KCND3: variants seen among roughly 807,000 people sequenced by gnomAD.
The protein encoded by KCND3 is potassium voltage-gated channel subfamily D member 3.
In KCND3, 9 loss-of-function variants were observed where a neutral mutation model predicts 51.1. The observed-to-expected ratio is 0.18, with a 90% CI of 0.11 to 0.31. The LOEUF (loss-of-function observed/expected upper bound fraction) is 0.31. KCND3 is among the 10% of genes least tolerant of loss of function. The pLI is 1.00. For missense variants in KCND3, 526 were observed against 903.8 expected (o/e 0.58, Z 5.36); for synonymous variants, 349 against 368.0 (o/e 0.95, Z 0.59).
chr1:111,989,422 G>T (rs1469623957), intron 1 of KCND3, among the ~76,000 whole-genome samples, 83 bp downstream of exon 1: 1 of 152,032 alleles, frequency 6.6e-6, no homozygotes, highest in Non-Finnish European at 1.5e-5. Flanking sequence ...GGAGGGTGCC[G>T]CGTGGGCAGC....
At chr1:111,875,617 T>C (rs756279768) in intron 2 of KCND3, among the ~76,000 whole-genome samples, 47 of 152,238 alleles carry the variant, frequency 3.1e-4, no homozygotes, top group Non-Finnish European at 5.0e-4. Flanking sequence ...TCAGCACCTC[T>C]GAGGACATCA....
chr1:111,979,309 A>G (rs559557518), intron 2 of KCND3, among the ~76,000 whole-genome samples: 38 of 152,360 alleles, frequency 2.5e-4, no homozygotes, highest in Non-Finnish European at 5.1e-4. Context: ...TGACAAAAGA[A>G]GTCAGCGGTT....
intron 2 of KCND3, among the ~76,000 whole-genome samples, chr1:111,793,519 C>G (rs139205450): frequency 2.0e-5 from 3 of 152,122 alleles, no homozygotes; most frequent in Non-Finnish European, 4.4e-5. Context: ...TGTCATTTCC[C>G]CTGCTCAAAG....
chr1:111,897,782 G>A (rs896363934), intron 2 of KCND3, among the ~76,000 whole-genome samples: 2 of 152,226 alleles, frequency 1.3e-5, no homozygotes, highest in African/African-American at 4.8e-5. Context: ...GAGAGGGCAG[G>A]AGTGAGTCCC....
chr1:111,811,796 G>T (rs74683551), intron 2 of KCND3, among the ~76,000 whole-genome samples: 1 of 152,154 alleles, frequency 6.6e-6, no homozygotes. Flanking sequence ...CTGGAGAGAC[G>T]TTACTTACTG....
intron 2 of KCND3, among the ~76,000 whole-genome samples, chr1:111,865,122 C>G (rs563066705): frequency 1.3e-5 from 2 of 152,264 alleles, no homozygotes; most frequent in African/African-American, 2.4e-5. Flanking sequence ...GGTGGGTGAA[C>G]CATGCTGTGA....
chr1:111,919,690 C>A (rs772454628), intron 2 of KCND3, among the ~76,000 whole-genome samples: 35 of 152,180 alleles, frequency 2.3e-4, no homozygotes, highest in Non-Finnish European at 4.7e-4. Context: ...CAAATTTACA[C>A]ATGAACAAAT....
At chr1:111,980,531 C>T (rs1243147990) in intron 2 of KCND3, among the ~76,000 whole-genome samples, 2 of 152,058 alleles carry the variant, frequency 1.3e-5, no homozygotes, top group African/African-American at 2.4e-5. Context: ...CCACCAACCA[C>T]ACTGTCAAAG....
chr1:111,885,383 A>G (rs190600447), intron 2 of KCND3, among the ~76,000 whole-genome samples: 7 of 152,386 alleles, frequency 4.6e-5, no homozygotes, highest in African/African-American at 1.4e-4. Flanking sequence ...AGACTGGTAG[A>G]CATGAAACTA....
At chr1:111,907,349 G>A (rs1350155134) in intron 2 of KCND3, among the ~76,000 whole-genome samples, 1 of 152,212 alleles carries the variant, frequency 6.6e-6, no homozygotes, top group Non-Finnish European at 1.5e-5. Flanking sequence ...GTGTGGGCTG[G>A]ACTTGTTGAC....
At chr1:111,942,098 C>A (rs542291001) in intron 2 of KCND3, among the ~76,000 whole-genome samples, 7 of 152,280 alleles carry the variant, frequency 4.6e-5, no homozygotes, top group African/African-American at 1.4e-4. Flanking sequence ...GCACAAGCCA[C>A]GTCCACATAA....
At chr1:111,817,823 C>T (rs997336888) in intron 2 of KCND3, among the ~76,000 whole-genome samples, 3 of 152,146 alleles carry the variant, frequency 2.0e-5, no homozygotes, top group Non-Finnish European at 2.9e-5. Flanking sequence ...TGATCTATTG[C>T]GTCAATATGT....
At chr1:111,826,418 T>C (rs547267785) in intron 2 of KCND3, among the ~76,000 whole-genome samples, 2 of 152,310 alleles carry the variant, frequency 1.3e-5, no homozygotes, top group South Asian at 2.1e-4. Flanking sequence ...TGTGCAGCCA[T>C]GGACCATAAA....
At chr1:111,943,586 C>T (rs894106742) in intron 2 of KCND3, among the ~76,000 whole-genome samples, 1 of 152,196 alleles carries the variant, frequency 6.6e-6, no homozygotes, top group Non-Finnish European at 1.5e-5. Flanking sequence ...CTAGCCGTTG[C>T]CCTTTCTCCT....
Position 111,982,204 on chromosome 1 carries a change from T to C in KCND3, c.523A>G (p.Asn175Asp). Residue 175 changes from asparagine to aspartate, a missense_variant, in exon 2 of 8, where the codon AAC becomes GAC. By Grantham distance (23) the Asn-to-Asp change is conservative. This residue lies in a region of KCND3 where 159 missense variants were observed against 262.8 expected (regional missense o/e 0.61). Transcript: ENST00000302127. The surrounding 1 kb of genome is among the most constrained non-coding windows in gnomAD (Gnocchi z 8.5). ...FRQTMWRAFENPHTSTLALVF... is the reference protein window; with the variant it reads ...FRQTMWRAFEDPHTSTLALVF... ...AGGGCCAGCGTGCTGGTGTGGGGGT[T>C]CTCGAAGGCCCGCCACATGGTCTGG... The C allele has an allele frequency of 6.2e-7, 1 of 1,613,904 alleles. No homozygotes were observed. The highest frequency in any genetic ancestry group is 8.5e-7 in the Non-Finnish European group (1 of 1,179,962).
At chr1:111,866,401 A>T (rs1668574710) in intron 2 of KCND3, among the ~76,000 whole-genome samples, 1 of 151,492 alleles carries the variant, frequency 6.6e-6, no homozygotes, top group East Asian at 1.9e-4. Context: ...AGTAGCTGGG[A>T]CCATAGGAGT....
At chr1:111,803,248 C>T (rs891619624) in intron 2 of KCND3, among the ~76,000 whole-genome samples, 2 of 152,120 alleles carry the variant, frequency 1.3e-5, no homozygotes, top group African/African-American at 2.4e-5. Context: ...GTGGAGGCCT[C>T]GTTTGCCTGG....
At chr1:111,860,810 T>C (rs967879082) in intron 2 of KCND3, among the ~76,000 whole-genome samples, 1 of 152,222 alleles carries the variant, frequency 6.6e-6, no homozygotes, top group Non-Finnish European at 1.5e-5. Context: ...GTTGACCAGA[T>C]GTTGGATGTC....
chr1:111,853,764 G>A (rs569971912), intron 2 of KCND3: 1 of 152,292 alleles, frequency 6.6e-6, no homozygotes. Flanking sequence ...GCACCTAGTA[G>A]GTGCTCAATA....
Sources: allele counts gnomAD v4.1 joint callset (sites outside exome capture counted in the v4.1 genomes callset), GRCh38; gene constraint gnomAD v4.1.1; regional missense constraint gnomAD v4.1.1; non-coding constraint Gnocchi (gnomAD v3.1); transcripts MANE v1.5; gene names NCBI Gene and HGNC (gene_info 2026-07-23, HGNC 2026-07-21).